ARHGEF16: variants seen among roughly 807,000 people sequenced by gnomAD.
ARHGEF16 encodes Rho guanine exchange factor (GEF) 16.
Under a neutral mutation model 74.1 loss-of-function variants are expected in ARHGEF16, and 59 were observed. That is an observed-to-expected ratio of 0.80 (90% CI 0.65 to 0.99). ARHGEF16 has a LOEUF of 0.99. Ranked by LOEUF, ARHGEF16 falls within the 50% of genes least tolerant of loss-of-function variation. ARHGEF16 has a pLI of 0.00. For missense variants in ARHGEF16, 948 were observed against 986.6 expected (o/e 0.96, Z 0.52); for synonymous variants, 415 against 412.6 (o/e 1.01, Z -0.07).
intron 8 of ARHGEF16, chr1:3,474,048 C>CGTAT (rs1639813900): frequency 5.2e-6 from 1 of 191,426 alleles, no homozygotes; most frequent in African/African-American, 2.3e-5. Flanking sequence ...CACTCAGGCA[C>CGTAT]GTATGTGCCC....
chr1:3,478,835 C>T (rs1639972429), intron 12 of ARHGEF16, among the ~76,000 whole-genome samples: 3 of 152,080 alleles, frequency 2.0e-5, no homozygotes, highest in Admixed American at 2.0e-4. Context: ...AGTTGGGCCA[C>T]CAGGAGTGGG....
At chr1:3,473,735 C>T in intron 8 of ARHGEF16, 1 of 790,564 alleles carries the variant, frequency 1.3e-6, no homozygotes, top group Non-Finnish European at 2.0e-6. Context: ...GGAACTGTTC[C>T]AGCCCTTGGC....
At chr1:3,471,927 T>G in intron 6 of ARHGEF16, 1 of 650,142 alleles carries the variant, frequency 1.5e-6, no homozygotes, top group Non-Finnish European at 2.0e-6. Flanking sequence ...AGGCCTCCCA[T>G]GACCTGCTGG....
At chr1:3,477,688 G>A (rs1025068334) in intron 10 of ARHGEF16, among the ~76,000 whole-genome samples, 187 bp from the exon 11 acceptor site, 12 of 151,926 alleles carry the variant, frequency 7.9e-5, no homozygotes, top group African/African-American at 2.7e-4. Context: ...TTTGAGGCCC[G>A]GACACATTGT....
chr1:3,467,422 G>A (rs1157921734), intron 4 of ARHGEF16, 85 bp downstream of exon 4: 34 of 1,427,146 alleles, frequency 2.4e-5, no homozygotes, highest in African/African-American at 4.3e-5. Context: ...AAGCCCAGGC[G>A]GCTGGTCCCC....
At chr1:3,475,084 C>A (rs1639847238) in intron 9 of ARHGEF16, among the ~76,000 whole-genome samples, 1 of 24,814 alleles carries the variant, frequency 4.0e-5, no homozygotes, top group African/African-American at 1.1e-4. Context: ...CCCAGAGGTT[C>A]CCAGATTATC....
chr1:3,481,079 A>C lies in ARHGEF16; in HGVS notation c.*492A>C, dbSNP rs1557701492. The stretch of plus-strand genomic sequence containing the variant: ...ACCCGGCAGGGAGATTTCGGTTTTG[A>C]GGTTTCTAAATACATTAAAGTTATT... On this transcript the variant is annotated 3_prime_UTR_variant, in exon 15 of 15. Transcript: ENST00000378378. 1 of 156,830 alleles carries C rather than the reference A, an allele frequency of 6.4e-6. No homozygotes were observed. Among genetic ancestry groups the C allele is most frequent in the African/African-American group, 2.4e-5 (1 of 41,580 alleles). The allele number at this position is 156,830 out of a possible 1,614,324, so 9.7% of individuals were successfully genotyped here.
At position 3,478,465 on chromosome 1, in the gene ARHGEF16, A is replaced by G. The variant is rs1390605104; in HGVS notation, c.1667A>G (p.His556Arg). 3 of 1,611,942 alleles carry G rather than the reference A, an allele frequency of 1.9e-6. No homozygotes were observed. Among genetic ancestry groups the G allele is most frequent in the African/African-American group, 1.3e-5 (1 of 74,918 alleles). Residue 556 changes from histidine to arginine, a missense_variant, in exon 12 of 15, where the codon CAC (histidine) becomes CGC (arginine). Physicochemically the swap from His to Arg is conservative, Grantham distance 29 (BLOSUM62 0). Transcript: ENST00000378378. ...YMVQDYAQMN[H>R]IQVEKIEPSE... Reference sequence around the variant, plus strand: ...GTCCAGGACTACGCCCAGATGAACCACATCCAGGTGGAGAAGATAGAGCCG... The same window carrying G: ...GTCCAGGACTACGCCCAGATGAACCGCATCCAGGTGGAGAAGATAGAGCCG...
chr1:3,469,825 G>A (rs1279106644), intron 6 of ARHGEF16, among the ~76,000 whole-genome samples: 5 of 152,294 alleles, frequency 3.3e-5, no homozygotes, highest in Admixed American at 2.6e-4. Context: ...CATCCTGGTC[G>A]TTCTTAAGAC....
intron 6 of ARHGEF16, chr1:3,471,861 C>G: frequency 9.7e-7 from 1 of 1,027,884 alleles, no homozygotes; most frequent in Non-Finnish European, 1.2e-6. Flanking sequence ...AGCTGCTGAC[C>G]GGCCTGGCCG....
chr1:3,471,130 G>A (rs570105081), intron 6 of ARHGEF16, among the ~76,000 whole-genome samples: 9 of 150,918 alleles, frequency 6.0e-5, no homozygotes, highest in Admixed American at 4.6e-4. Flanking sequence ...GTGTGTGTGC[G>A]TGGGTGTGTG....
chr1:3,478,344 G>A, intron 11 of ARHGEF16, 80 bp from the exon 12 acceptor site: 1 of 1,453,548 alleles, frequency 6.9e-7, no homozygotes, highest in Non-Finnish European at 9.3e-7. Context: ...AGGGGAGCCG[G>A]GTGGGACCTG....
At chr1:3,459,593 G>C (rs1007404523) in intron 1 of ARHGEF16, among the ~76,000 whole-genome samples, 6 of 152,160 alleles carry the variant, frequency 3.9e-5, no homozygotes. Flanking sequence ...GAGGCCCAGA[G>C]CACTGGGCCC....
rs756290647 is a variant in ARHGEF16 at position 3,462,160 on chromosome 1, C to A, written c.-19-906C>A. Among the ~76,000 whole-genome samples the A allele has an allele frequency of 2.0e-4, 30 of 152,068 alleles. 1 individual carries two copies. Among genetic ancestry groups the A allele is most frequent in the South Asian group, 1.2e-3 (6 of 4,826 alleles). On this transcript the variant is annotated intron_variant, in intron 1 of 14. Coordinates refer to ENST00000378378, the MANE Select transcript of ARHGEF16 (RefSeq NM_014448.4). ...TACAGAGATGTCTACAGGGCAGCTC[C>A]CGCTCTCTGCTGGGGGGTGTACGTG...
At chr1:3,474,208 G>C (rs953311047) in intron 8 of ARHGEF16, 1 of 194,652 alleles carries the variant, frequency 5.1e-6, no homozygotes, top group African/African-American at 2.3e-5. Context: ...ACATGCACCC[G>C]GTGCACACAC....
Position 3,469,551 on chromosome 1 carries a change from ACCT to A in ARHGEF16, c.982_984del (p.Leu328del). ...ACCGTGACCCAGATGGAGCACCACC[ACCT>A]CTTCTCCAACATCCTGGATGTCCTG... On this transcript the variant is annotated inframe_deletion, in exon 6 of 15. Coordinates refer to ENST00000378378, the MANE Select transcript of ARHGEF16 (RefSeq NM_014448.4). 2 of 1,612,742 alleles carry A rather than the reference ACCT, an allele frequency of 1.2e-6. No homozygotes were observed. The highest frequency in any genetic ancestry group is 1.7e-6 in the Non-Finnish European group (2 of 1,179,912).
Position 3,464,150 on chromosome 1 carries a change from T to C in ARHGEF16, c.588+478T>C, listed in dbSNP as rs557853439. ...GCTTAGGAGAAGTCTGCACATTCCC[T>C]CTGTACACAGAGCCCTGCTTCCCTG... On this transcript the variant is annotated intron_variant, in intron 2 of 14. Coordinates refer to ENST00000378378, the MANE Select transcript of ARHGEF16 (RefSeq NM_014448.4). 1.5e-4 allele frequency among the ~76,000 whole-genome samples: 11 copies of C among 71,210 alleles called. No individual in the cohort carries two copies. The South Asian group carries it at 7.9e-3, about 51-fold the overall frequency. 46.7% of individuals were successfully genotyped at this position (71,210 alleles called of 152,430 possible).
intron 6 of ARHGEF16, among the ~76,000 whole-genome samples, chr1:3,472,032 C>T (rs569947512): frequency 1.3e-5 from 2 of 152,328 alleles, no homozygotes; most frequent in South Asian, 2.1e-4. Flanking sequence ...GTGGCTCCTG[C>T]GTGGGTGGCA....
Position 3,478,015 on chromosome 1 carries a change from CAAG to C in ARHGEF16, c.1622_1624del (p.Lys541del), listed in dbSNP as rs768759109. ...TGTTCAACGATGTCCTGGTTGTGAC[CAAG>C]AAGAAGAGGTGGCCTTAGGGCAGGA... On this transcript the variant is annotated inframe_deletion, in exon 11 of 15. Coordinates refer to ENST00000378378, the MANE Select transcript of ARHGEF16 (RefSeq NM_014448.4). The C allele has an allele frequency of 1.8e-5, 29 of 1,612,560 alleles. 1 individual carries two copies. The highest frequency in any genetic ancestry group is 1.7e-4 in the Admixed American group (10 of 60,004).
Sources: allele counts gnomAD v4.1 joint callset (sites outside exome capture counted in the v4.1 genomes callset), GRCh38; gene constraint gnomAD v4.1.1; transcripts MANE v1.5; gene names NCBI Gene and HGNC (gene_info 2026-07-23, HGNC 2026-07-21).